The following KIAA1586 variants were observed in gnomAD, a reference collection of about 807,000 sequenced individuals.
KIAA1586 encodes KIAA1586, also known as E3 SUMO-protein ligase KIAA1586.
Under a neutral mutation model 6.1 loss-of-function variants are expected in KIAA1586, and 5 were observed. The ratio of observed to expected loss-of-function variants is 0.82; its 90% CI spans 0.43 to 1.73. The LOEUF (loss-of-function observed/expected upper bound fraction) is 1.73, where lower values mean the gene tolerates loss of function less well. Ranked by LOEUF, KIAA1586 falls within the 40% of genes most tolerant of loss-of-function variation. The probability of loss-of-function intolerance (pLI) is 0.02; values close to 1 mark genes in which losing one functional copy is unlikely to be tolerated. For synonymous variants in KIAA1586, 280 were observed against 301.7 expected (o/e 0.93, Z 0.75); for missense variants, 899 against 878.2 (o/e 1.02, Z -0.30).
At position 57,054,957 on chromosome 6, in the gene KIAA1586, CT is replaced by C. The variant is rs1240634179; in HGVS notation, c.*98del. On this transcript the variant is annotated 3_prime_UTR_variant, in exon 4 of 4. Transcript: ENST00000370733. ...TTTTTTTTTTGGAAAGCCAGTTAAA[CT>C]TTTATCAGCATGTTGCTGTTTAAAA... 1 of 1,313,072 alleles carries C rather than the reference CT, an allele frequency of 7.6e-7. No individual in the cohort carries two copies. The allele number at this position is 1,313,072 out of a possible 1,614,324, so 81.3% of individuals were successfully genotyped here. A position where few individuals can be genotyped will look rare whatever the true frequency, so the allele number is the denominator to read the frequency against.
chr6:57,065,705 G>A, the KIAA1586 span, among the ~76,000 whole-genome samples: 4 of 152,044 alleles, frequency 2.6e-5, no homozygotes, highest in Admixed American at 1.3e-4. Context: ...CAGGCTGGTT[G>A]TGCATCTTTT....
chr6:57,053,241 A>G lies in KIAA1586; in HGVS notation c.742A>G (p.Lys248Glu). 6.2e-7 allele frequency: 1 copy of G among 1,600,152 alleles called. No homozygotes were observed. The highest frequency in any genetic ancestry group is 1.1e-5 in the South Asian group (1 of 88,894). ...QNNKNIDATV[K>E]VFNTVYSLVK... is the part of the protein sequence containing the mutation. ...TAATAAAAATATTGATGCTACTGTA[A>G]AAGTTTTCAATACTGTTTACAGTTT... Residue 248 changes from lysine (K) to glutamate (E), a missense_variant, in exon 4 of 4, where the codon AAA becomes GAA. Physicochemically the swap from Lys to Glu is moderately conservative, Grantham distance 56. Coordinates refer to ENST00000370733, the MANE Select transcript of KIAA1586 (RefSeq NM_020931.4).
intron 2 of KIAA1586, among the ~76,000 whole-genome samples, chr6:57,050,273 A>G (rs567182676): frequency 1.3e-4 from 20 of 148,730 alleles, no homozygotes; most frequent in Admixed American, 2.7e-4. Flanking sequence ...TTTTACTAGC[A>G]GGAACAGTAT....
At chr6:57,063,496 C>G in the KIAA1586 span, among the ~76,000 whole-genome samples, 2 of 146,520 alleles carry the variant, frequency 1.4e-5, no homozygotes, top group Non-Finnish European at 3.0e-5. Context: ...CTCTGTTCCC[C>G]AGGCTGGAGT....
the KIAA1586 span, among the ~76,000 whole-genome samples, chr6:57,062,256 A>G: frequency 6.6e-6 from 1 of 152,146 alleles, no homozygotes; most frequent in Non-Finnish European, 1.5e-5. Context: ...TTGGTTTTAT[A>G]TGCATTGATT....
At chr6:57,063,446 A>ATTTC in the KIAA1586 span, among the ~76,000 whole-genome samples, 5 of 89,114 alleles carry the variant, frequency 5.6e-5, no homozygotes, top group Admixed American at 1.5e-4. Context: ...AGATTATGTT[A>ATTTC]TTTCTTTTTT....
the KIAA1586 span, among the ~76,000 whole-genome samples, chr6:57,061,141 C>A: frequency 6.6e-6 from 1 of 151,700 alleles, no homozygotes; most frequent in African/African-American, 2.4e-5. Flanking sequence ...CCATGCCCAG[C>A]TAATTTTTTT....
Position 57,052,685 on chromosome 6 carries a change from G to T in KIAA1586, c.187-1G>T. On this transcript the variant is annotated splice_acceptor_variant, in intron 3 of 3. Transcript: ENST00000370733. LOFTEE classifies it high-confidence loss of function. ...CTTACATATGTAAAATTATTTTTCAGATTCTGTTTCCTAAAATGCCAAAAC... is the reference window on the plus strand; with the variant it reads ...CTTACATATGTAAAATTATTTTTCATATTCTGTTTCCTAAAATGCCAAAAC... The T allele has an allele frequency of 6.5e-7, 1 of 1,538,486 alleles. No homozygotes were observed. The highest frequency in any genetic ancestry group is 8.7e-7 in the Non-Finnish European group (1 of 1,144,014).
the KIAA1586 span, among the ~76,000 whole-genome samples, chr6:57,065,605 A>G: frequency 2.7e-5 from 4 of 149,200 alleles, no homozygotes; most frequent in African/African-American, 7.4e-5. Flanking sequence ...TCCCACCTCT[A>G]CCTCCCAAGT....
In KIAA1586 at chr6:57,048,649, A is replaced by G. The variant is rs1387795092; in HGVS notation, c.105+1253A>G. 9.9e-5 allele frequency among the ~76,000 whole-genome samples: 15 copies of G among 152,228 alleles called. 1 individual carries two copies. On this transcript the variant is annotated intron_variant, in intron 2 of 3. Coordinates refer to ENST00000370733, the MANE Select transcript of KIAA1586 (RefSeq NM_020931.4). ...GAGAAACATTTGGGAAGAGGAGTTC[A>G]TGGGTCTTTAGGAAAAATAATTTTG...
At chr6:57,050,484 A>ATT (rs369514249) in intron 2 of KIAA1586, among the ~76,000 whole-genome samples, 4 of 143,362 alleles carry the variant, frequency 2.8e-5, no homozygotes, top group Non-Finnish European at 4.6e-5. Flanking sequence ...TACCCATCTG[A>ATT]TTTTTTTTTT....
chr6:57,053,627 A>T lies in KIAA1586; in HGVS notation c.1128A>T (p.Thr376=). 1 of 1,611,694 alleles carries T rather than the reference A, an allele frequency of 6.2e-7. No individual in the cohort carries two copies. The highest frequency in any genetic ancestry group is 8.5e-7 in the Non-Finnish European group (1 of 1,178,340). Residue 376 remains threonine (T), a synonymous_variant, in exon 4 of 4, where the codon ACA becomes ACT. Coordinates refer to ENST00000370733, the MANE Select transcript of KIAA1586 (RefSeq NM_020931.4). ...CTACTTTAAATGATTGTGGTTTTAC[A>T]AATGAATATTTGAAAGCAAATTTAA... ...LLTTLNDCGF[T]NEYLKANLIA...
At chr6:57,066,602 A>T in the KIAA1586 span, among the ~76,000 whole-genome samples, 10 of 152,282 alleles carry the variant, frequency 6.6e-5, no homozygotes, top group East Asian at 1.7e-3. Context: ...AGGGGGCTGG[A>T]ACTGACTTGT....
chr6:57,065,676 G>A, the KIAA1586 span, among the ~76,000 whole-genome samples: 2 of 152,006 alleles, frequency 1.3e-5, no homozygotes, highest in Admixed American at 6.6e-5. Context: ...TGCTAGAGAC[G>A]GAGTCTCACT....
intron 3 of KIAA1586, among the ~76,000 whole-genome samples, chr6:57,051,961 G>A (rs918379613): frequency 1.3e-5 from 2 of 152,138 alleles, no homozygotes; most frequent in Non-Finnish European, 2.9e-5. Context: ...GTGACAGAGC[G>A]AGACTCCGTC....
downstream of KIAA1586, among the ~76,000 whole-genome samples, chr6:57,059,546 G>A (rs1828538549): frequency 2.7e-5 from 4 of 149,950 alleles, no homozygotes; most frequent in South Asian, 4.2e-4. Flanking sequence ...AGCCGAGATC[G>A]TGCCACTGCA....
Position 57,053,608 on chromosome 6 carries a change from T to G in KIAA1586, c.1109T>G (p.Leu370Ter). 6 of 1,610,822 alleles carry G rather than the reference T, an allele frequency of 3.7e-6. No individual in the cohort carries two copies. The highest frequency in any genetic ancestry group is 5.1e-6 in the Non-Finnish European group (6 of 1,177,718). The change falls in exon 4 of 4, where the codon TTA becomes TGA. Residue 370 changes from leucine to a stop codon, truncating the protein, a stop_gained. Transcript: ENST00000370733. LOFTEE classifies it low-confidence loss of function (END_TRUNC). The part of the protein sequence containing the change: ...ECIVNTLLTT[L>*]NDCGFTNEYL... ...ATTGTCAATACATTATTGACTACTT[T>G]AAATGATTGTGGTTTTACAAATGAA...
downstream of KIAA1586, among the ~76,000 whole-genome samples, chr6:57,055,818 T>C (rs1828489804): frequency 6.6e-6 from 1 of 152,094 alleles, no homozygotes; most frequent in East Asian, 1.9e-4. Flanking sequence ...GATTTGACAA[T>C]GAATGGCAAT....
chr6:57,057,938 G>A (rs1828521274), downstream of KIAA1586, among the ~76,000 whole-genome samples: 1 of 152,020 alleles, frequency 6.6e-6, no homozygotes, highest in African/African-American at 2.4e-5. Context: ...GGGATTACAG[G>A]CACATGCCAC....
Sources: allele counts gnomAD v4.1 joint callset (sites outside exome capture counted in the v4.1 genomes callset), GRCh38; gene constraint gnomAD v4.1.1; transcripts MANE v1.5; gene names NCBI Gene and HGNC (gene_info 2026-07-23, HGNC 2026-07-21).